The following CACNA2D3 variants were observed in gnomAD, a reference collection of about 807,000 sequenced individuals.
The protein encoded by CACNA2D3 is calcium voltage-gated channel auxiliary subunit alpha2delta 3, also known as voltage-dependent calcium channel subunit alpha-2/delta-3.
In CACNA2D3, 60 loss-of-function variants were observed where a neutral mutation model predicts 160.6. The ratio of observed to expected loss-of-function variants is 0.37; its 90% confidence interval spans 0.30 to 0.46. The LOEUF is 0.46. Among genes scored for constraint, CACNA2D3 ranks in the 20% least tolerant of loss-of-function variants. The pLI, the probability that CACNA2D3 is intolerant of heterozygous loss-of-function variation, is 1.00. For missense variants in CACNA2D3, 1,205 were observed against 1,365.0 expected (o/e 0.88, Z 1.85); for synonymous variants, 558 against 492.9 (o/e 1.13, Z -1.75).
At chr3:54,285,891 A>T (rs1257346530) in intron 2 of CACNA2D3, among the ~76,000 whole-genome samples, 1 of 152,226 alleles carries the variant, frequency 6.6e-6, no homozygotes, top group Non-Finnish European at 1.5e-5. Context: ...AGGAAAACTA[A>T]CAAACAGAAA....
intron 2 of CACNA2D3, among the ~76,000 whole-genome samples, chr3:54,246,185 T>TCTTACATGTTGCCTGTGTC (rs1702072453): frequency 6.6e-6 from 1 of 152,248 alleles, no homozygotes; most frequent in Non-Finnish European, 1.5e-5. Flanking sequence ...TTCCCTGAGT[T>TCTTACATGTTGCCTGTGTC]CTTACATGTT....
At chr3:54,798,535 CAA>C (rs200656735) in intron 13 of CACNA2D3, among the ~76,000 whole-genome samples, 2 of 151,768 alleles carry the variant, frequency 1.3e-5, no homozygotes, top group Admixed American at 6.6e-5. Context: ...GACTCCATCT[CAA>C]AAAAAAGAAT....
intron 35 of CACNA2D3, among the ~76,000 whole-genome samples, chr3:55,028,909 C>T (rs1320873561): frequency 3.3e-5 from 5 of 152,308 alleles, no homozygotes; most frequent in African/African-American, 7.2e-5. Flanking sequence ...CTTCTCTCAT[C>T]GCTTCTCCCC....
chr3:54,893,263 G>A (rs1700110270), intron 25 of CACNA2D3, among the ~76,000 whole-genome samples: 1 of 151,988 alleles, frequency 6.6e-6, no homozygotes, highest in Non-Finnish European at 1.5e-5. Flanking sequence ...GCAACAGAGT[G>A]AGACTCTGTC....
intron 17 of CACNA2D3, among the ~76,000 whole-genome samples, chr3:54,866,827 C>T (rs779204348): frequency 5.3e-5 from 8 of 152,188 alleles, no homozygotes; most frequent in Non-Finnish European, 1.0e-4. Context: ...GCTTGCTCCT[C>T]GGATGAGTGC....
chr3:54,462,168 A>C (rs1363308820), intron 4 of CACNA2D3, among the ~76,000 whole-genome samples: 1 of 152,090 alleles, frequency 6.6e-6, no homozygotes, highest in Non-Finnish European at 1.5e-5. Flanking sequence ...CTGTTCTTTT[A>C]CATTTGCTGA....
chr3:54,380,504 C>T (rs1699083399), intron 3 of CACNA2D3, among the ~76,000 whole-genome samples: 1 of 152,090 alleles, frequency 6.6e-6, no homozygotes, highest in Non-Finnish European at 1.5e-5. Flanking sequence ...TTTGGGAGGC[C>T]GAGGCAGGCG....
chr3:54,424,579 ACT>A (rs1410355406), intron 4 of CACNA2D3, among the ~76,000 whole-genome samples: 2 of 152,022 alleles, frequency 1.3e-5, no homozygotes, highest in African/African-American at 4.8e-5. Context: ...CTGCTGAATA[ACT>A]CTGTTTTGCA....
At chr3:54,431,987 G>A (rs926574524) in intron 4 of CACNA2D3, among the ~76,000 whole-genome samples, 1 of 152,086 alleles carries the variant, frequency 6.6e-6, no homozygotes, top group Non-Finnish European at 1.5e-5. Flanking sequence ...AAAATTGGTT[G>A]TTTAAACCTA....
chr3:54,533,087 C>A (rs879436537), intron 5 of CACNA2D3, among the ~76,000 whole-genome samples: 5 of 152,138 alleles, frequency 3.3e-5, no homozygotes, highest in African/African-American at 4.8e-5. Context: ...TTTCAGCAGA[C>A]TTGCCCTCCT....
intron 2 of CACNA2D3, among the ~76,000 whole-genome samples, chr3:54,196,328 T>G (rs1701080210): frequency 6.6e-6 from 1 of 152,200 alleles, no homozygotes; most frequent in Admixed American, 6.5e-5. Flanking sequence ...AAAGGCAGTC[T>G]TCATCAGATG....
chr3:55,028,370 GT>G (rs762454555), intron 35 of CACNA2D3, among the ~76,000 whole-genome samples: 10 of 152,132 alleles, frequency 6.6e-5, no homozygotes, highest in Non-Finnish European at 1.3e-4. Context: ...AGGGTTGGTG[GT>G]TTGGCTGCTC....
chr3:54,537,180 T>C (rs1450415790), intron 5 of CACNA2D3, among the ~76,000 whole-genome samples: 2 of 151,908 alleles, frequency 1.3e-5, no homozygotes, highest in African/African-American at 4.8e-5. Context: ...ATTGCAGGCA[T>C]GTTGATCATC....
intron 35 of CACNA2D3, among the ~76,000 whole-genome samples, chr3:55,031,736 T>G (rs980681762): frequency 6.6e-6 from 1 of 152,160 alleles, no homozygotes; most frequent in Non-Finnish European, 1.5e-5. Flanking sequence ...AACCGGCTAA[T>G]GACAAAGGTT....
chr3:54,683,971 T>TG (rs1700402319), intron 11 of CACNA2D3, among the ~76,000 whole-genome samples: 1 of 44,566 alleles, frequency 2.2e-5, no homozygotes, highest in South Asian at 1.1e-3. Flanking sequence ...CCTTTTTTTT[T>TG]TTTTTTTTTT....
intron 13 of CACNA2D3, among the ~76,000 whole-genome samples, chr3:54,788,245 T>C (rs562507993): frequency 8.9e-4 from 136 of 152,326 alleles, no homozygotes; most frequent in African/African-American, 3.0e-3. Context: ...GTGTTGGACA[T>C]GGTAATCTTA....
At chr3:54,824,786 T>C (rs1395745558) in intron 14 of CACNA2D3, among the ~76,000 whole-genome samples, 1 of 152,182 alleles carries the variant, frequency 6.6e-6, no homozygotes, top group Non-Finnish European at 1.5e-5. Flanking sequence ...TGAGGGGTAG[T>C]GTTGGCCATG....
At chr3:54,454,775 A>G (rs527247421) in intron 4 of CACNA2D3, among the ~76,000 whole-genome samples, 1 of 151,980 alleles carries the variant, frequency 6.6e-6, no homozygotes, top group Non-Finnish European at 1.5e-5. Flanking sequence ...ACCTCTAATA[A>G]CCATTATTCT....
intron 11 of CACNA2D3, among the ~76,000 whole-genome samples, chr3:54,671,053 TAAAC>T (rs944604700): frequency 5.9e-5 from 9 of 151,762 alleles, no homozygotes; most frequent in African/African-American, 9.6e-5. Flanking sequence ...TTACCAGTTG[TAAAC>T]AAACAAACAA....
Sources: allele counts gnomAD v4.1 joint callset (sites outside exome capture counted in the v4.1 genomes callset), GRCh38; gene constraint gnomAD v4.1.1; transcripts MANE v1.5; gene names NCBI Gene and HGNC (gene_info 2026-07-23, HGNC 2026-07-21).